KLHL12: variants seen among roughly 807,000 people sequenced by gnomAD.
KLHL12 encodes kelch-like protein 12.
KLHL12 carries 17 observed loss-of-function variants against 60.8 expected under a neutral mutation model. The observed-to-expected ratio is 0.28, with a 90% CI of 0.19 to 0.42. The LOEUF is 0.42. KLHL12 is among the 10% of genes least tolerant of loss of function. KLHL12 has a pLI of 1.00. For synonymous variants in KLHL12, 220 were observed against 250.9 expected (o/e 0.88, Z 1.16); for missense variants, 468 against 722.3 (o/e 0.65, Z 4.04).
intron 6 of KLHL12, among the ~76,000 whole-genome samples, chr1:202,900,597 C>T (rs985609590): frequency 2.6e-5 from 4 of 152,000 alleles, no homozygotes; most frequent in Non-Finnish European, 5.9e-5. Context: ...GGCGTGGTGG[C>T]TCACGCCTGT....
intron 6 of KLHL12, among the ~76,000 whole-genome samples, chr1:202,903,992 G>GTATCTATCTATC (rs566027420): frequency 7.1e-6 from 1 of 141,502 alleles, no homozygotes; most frequent in African/African-American, 2.6e-5. Context: ...ATCTATCTAT[G>GTATCTATCTATC]TATCTATCTA....
At position 202,912,526 on chromosome 1, in the gene KLHL12, T is replaced by C. The variant is rs1177755102; in HGVS notation, c.568-1323A>G. The stretch of plus-strand genomic sequence containing the variant: ...ATGGATTTGGTAATGATGGAAGCAA[T>C]TTTGGAGGTGGTGGAAGCTACAGTG... On this transcript the variant is annotated intron_variant, in intron 4 of 11. Coordinates refer to ENST00000367261, the MANE Select transcript of KLHL12 (RefSeq NM_021633.4). The C allele has an allele frequency of 2.3e-5, 23 of 1,001,212 alleles. No individual in the cohort carries two copies. The East Asian group carries it at 5.5e-4, about 24-fold the overall frequency. The allele number at this position is 1,001,212 out of a possible 1,614,324, so 62.0% of individuals were successfully genotyped here. A position where few individuals can be genotyped will look rare whatever the true frequency, so the allele number is the denominator to read the frequency against.
At chr1:202,904,560 T>C (rs1168730185) in intron 6 of KLHL12, among the ~76,000 whole-genome samples, 1 of 152,216 alleles carries the variant, frequency 6.6e-6, no homozygotes, top group African/African-American at 2.4e-5. Flanking sequence ...AAGAAGCCTG[T>C]TTGTTCTCTG....
At chr1:202,924,343 T>A (rs2102461936) in intron 2 of KLHL12, among the ~76,000 whole-genome samples, 1 of 152,348 alleles carries the variant, frequency 6.6e-6, no homozygotes, top group South Asian at 2.1e-4. Flanking sequence ...ATCCTAAAAT[T>A]TACACTGATT....
intron 2 of KLHL12, among the ~76,000 whole-genome samples, chr1:202,921,467 G>C (rs1660696367): frequency 6.6e-6 from 1 of 152,162 alleles, no homozygotes; most frequent in African/African-American, 2.4e-5. Context: ...GAGCCACCAT[G>C]CCCGGCCCTT....
At chr1:202,894,541 G>T in intron 9 of KLHL12, 50 bp downstream of exon 9, 2 of 1,582,322 alleles carry the variant, frequency 1.3e-6, no homozygotes, top group Non-Finnish European at 1.7e-6. Context: ...CTTACCCACA[G>T]CCCATTACCC....
chr1:202,897,287 A>G (rs6427978), intron 6 of KLHL12, among the ~76,000 whole-genome samples: 111,931 of 143,370 alleles, frequency 0.78, 44,660 homozygotes, highest in East Asian at 0.89. Context: ...CCAGGCTAGA[A>G]TGCAATTCCA....
At chr1:202,915,699 A>G (rs1449391553) in intron 4 of KLHL12, among the ~76,000 whole-genome samples, 1 of 152,134 alleles carries the variant, frequency 6.6e-6, no homozygotes, top group African/African-American at 2.4e-5. Context: ...GAGCCAGACT[A>G]CTCGAATTTG....
chr1:202,895,472 T>G lies in KLHL12; in HGVS notation c.1135+50A>C. 1.3e-6 allele frequency: 2 copies of G among 1,528,684 alleles called. No individual in the cohort carries two copies. The highest frequency in any genetic ancestry group is 1.8e-6 in the Non-Finnish European group (2 of 1,121,520). 94.7% of individuals were successfully genotyped at this position (1,528,684 alleles called of 1,614,324 possible). On this transcript the variant is annotated intron_variant, in intron 8 of 11. Coordinates refer to ENST00000367261, the MANE Select transcript of KLHL12 (RefSeq NM_021633.4). This position sits in a 1 kb window ranked among gnomAD's most constrained non-coding sequence, Gnocchi z 4.2. The stretch of plus-strand genomic sequence containing the variant: ...AGACAACAGGAGAGGTTAAAAACCC[T>G]GGTCCAGCCACAGTAAGATGGAAAT...
intron 6 of KLHL12, among the ~76,000 whole-genome samples, chr1:202,908,350 T>A (rs547529621): frequency 1.3e-5 from 2 of 152,310 alleles, no homozygotes; most frequent in South Asian, 2.1e-4. Flanking sequence ...GCTAAGATAA[T>A]AGCTAATACA....
At chr1:202,910,875 A>C (rs1466679124) in intron 5 of KLHL12, among the ~76,000 whole-genome samples, 179 bp downstream of exon 5, 1 of 152,220 alleles carries the variant, frequency 6.6e-6, no homozygotes, top group African/African-American at 2.4e-5. Context: ...CTGACTTGCC[A>C]AGAAATTCGC....
chr1:202,911,435 C>T (rs1406915187), intron 4 of KLHL12, among the ~76,000 whole-genome samples: 1 of 132,692 alleles, frequency 7.5e-6, no homozygotes, highest in South Asian at 2.4e-4. Context: ...TATATATACA[C>T]ACACACATAT....
rs566756893 is a variant in KLHL12 at position 202,922,087 on chromosome 1, A to G, written c.196-2179T>C. On this transcript the variant is annotated intron_variant, in intron 2 of 11. Transcript: ENST00000367261. ...GTATTCCAGAAATTTCTCATTCAATAAACTACATTTCCATCAAATAGTTTA... is the reference window on the plus strand; with the variant it reads ...GTATTCCAGAAATTTCTCATTCAATGAACTACATTTCCATCAAATAGTTTA... Among the ~76,000 whole-genome samples, 17 of 152,348 alleles carry G rather than the reference A, an allele frequency of 1.1e-4. No homozygotes were observed. In the South Asian group the frequency reaches 3.5e-3, roughly 32 times the overall value.
rs750362890 is a variant in KLHL12 at position 202,909,153 on chromosome 1, C to T, written c.718-29G>A. On this transcript the variant is annotated intron_variant, in intron 5 of 11. Transcript: ENST00000367261. The surrounding 1 kb of genome is among the most constrained non-coding windows in gnomAD (Gnocchi z 4.1). ...AAATATAGCAGACAGCAGAGTTAGGCACTGGGGATACCTGTAATACTATAA... is the reference window on the plus strand; with the variant it reads ...AAATATAGCAGACAGCAGAGTTAGGTACTGGGGATACCTGTAATACTATAA... 1.6e-5 allele frequency: 22 copies of T among 1,379,000 alleles called. No homozygotes were observed. Among genetic ancestry groups the T allele is most frequent in the East Asian group, 2.3e-5 (1 of 43,718 alleles). The allele number at this position is 1,379,000 out of a possible 1,614,324, so 85.4% of individuals were successfully genotyped here. A position where few individuals can be genotyped will look rare whatever the true frequency, so the allele number is the denominator to read the frequency against.
intron 4 of KLHL12, chr1:202,914,906 G>A (rs1268859576): frequency 6.6e-6 from 1 of 151,740 alleles, no homozygotes; most frequent in Non-Finnish European, 1.5e-5. Flanking sequence ...GAAGCAGCAG[G>A]TGTGGAGCAA....
In KLHL12 at chr1:202,912,583, T is replaced by C; in HGVS notation, c.568-1380A>G. 9.5e-6 allele frequency: 12 copies of C among 1,262,890 alleles called. No individual in the cohort carries two copies. The South Asian group carries it at 1.4e-4, about 15-fold the overall frequency. 78.2% of individuals were successfully genotyped at this position (1,262,890 alleles called of 1,614,324 possible). On this transcript the variant is annotated intron_variant, in intron 4 of 11. Coordinates refer to ENST00000367261, the MANE Select transcript of KLHL12 (RefSeq NM_021633.4). ...GCAACTACAATAATCAGTCTTCAAA[T>C]TTTGGACCCATGAAGGGAGGAAACT...
chr1:202,926,610 T>C (rs1011056471), intron 1 of KLHL12, among the ~76,000 whole-genome samples: 18 of 152,314 alleles, frequency 1.2e-4, no homozygotes, highest in African/African-American at 4.3e-4. Flanking sequence ...TCTTTTATCG[T>C]TTCCGTGTCA....
upstream of KLHL12, chr1:202,928,417 G>A (rs900584085): frequency 2.0e-6 from 2 of 997,266 alleles, no homozygotes; most frequent in East Asian, 1.2e-4. Flanking sequence ...CACTAGGCAG[G>A]GCAGGCAGAG....
intron 6 of KLHL12, among the ~76,000 whole-genome samples, chr1:202,904,873 A>T (rs565617534): frequency 3.3e-5 from 5 of 152,252 alleles, no homozygotes; most frequent in Admixed American, 2.6e-4. Flanking sequence ...AATTTCCATT[A>T]TATCTTCTTT....
Sources: gnomAD v4.1 joint callset for allele counts (sites outside exome capture counted in the v4.1 genomes callset) on GRCh38, gnomAD v4.1.1 for gene constraint, Gnocchi (gnomAD v3.1) non-coding constraint, MANE v1.5 for transcripts, NCBI Gene and HGNC (gene_info 2026-07-23, HGNC 2026-07-21) for gene names.